USH2A: variants seen among roughly 807,000 people sequenced by gnomAD.
USH2A encodes the protein Usher syndrome 2A (autosomal recessive, mild).
USH2A carries 443 observed loss-of-function variants against 538.9 expected under a neutral mutation model. The ratio of observed to expected loss-of-function variants is 0.82; its 90% CI spans 0.76 to 0.89. The LOEUF (loss-of-function observed/expected upper bound fraction) is 0.89, where lower values mean the gene tolerates loss of function less well. Among genes scored for constraint, USH2A ranks in the 40% least tolerant of loss-of-function variants. The pLI is 0.00. For missense variants in USH2A, 6,633 were observed against 6,324.8 expected (o/e 1.05, Z -1.65); for synonymous variants, 2,413 against 2,273.5 (o/e 1.06, Z -1.75).
At chr1:215,754,326 C>T (rs1660721157) in intron 58 of USH2A, among the ~76,000 whole-genome samples, 1 of 152,152 alleles carries the variant, frequency 6.6e-6, no homozygotes, top group Non-Finnish European at 1.5e-5. Context: ...AGACCTTACC[C>T]TTTCACTAGT....
At chr1:216,362,063 A>C (rs1436911790) in intron 4 of USH2A, among the ~76,000 whole-genome samples, 1 of 152,174 alleles carries the variant, frequency 6.6e-6, no homozygotes, top group African/African-American at 2.4e-5. Flanking sequence ...GGTGTATATA[A>C]ATATTAAAAA....
chr1:216,217,324 A>G (rs2035361849), intron 15 of USH2A, 63 bp downstream of exon 15: 3 of 1,597,472 alleles, frequency 1.9e-6, no homozygotes, highest in East Asian at 4.6e-5. Context: ...AAAGAAAACA[A>G]TGAGATGCAG....
chr1:215,805,984 CAA>C (rs57712355), intron 49 of USH2A, among the ~76,000 whole-genome samples: 1,981 of 93,446 alleles, frequency 0.021, 22 homozygotes, highest in South Asian at 0.05. Context: ...AAGACACAAT[CAA>C]AAAAAAAAAA....
chr1:216,147,955 C>T lies in USH2A; in HGVS notation c.4627+27297G>A, dbSNP rs1318329208. ...CACCTGGCAGCCACTCCCAGAGCCCCTGGAACTCTGGCCCAAGGCTCTCTG... is the reference window on the plus strand; with the variant it reads ...CACCTGGCAGCCACTCCCAGAGCCCTTGGAACTCTGGCCCAAGGCTCTCTG... On this transcript the variant is annotated intron_variant, in intron 21 of 71. Coordinates refer to ENST00000307340, the MANE Select transcript of USH2A (RefSeq NM_206933.4). Among the ~76,000 whole-genome samples the T allele has an allele frequency of 8.7e-3, 577 of 66,338 alleles. 3 individuals are homozygous for T. Among genetic ancestry groups the T allele is most frequent in the African/African-American group, 0.035 (556 of 16,002 alleles). 43.5% of individuals were successfully genotyped at this position (66,338 alleles called of 152,430 possible).
At position 216,047,779 on chromosome 1, in the gene USH2A, A is replaced by T. The variant is rs1029543402; in HGVS notation, c.6163+755T>A. Among the ~76,000 whole-genome samples, 2 of 152,214 alleles carry T rather than the reference A, an allele frequency of 1.3e-5. 1 individual carries two copies. Among genetic ancestry groups the T allele is most frequent in the Admixed American group, 1.3e-4 (2 of 15,282 alleles). On this transcript the variant is annotated intron_variant, in intron 31 of 71. Transcript: ENST00000307340. The stretch of plus-strand genomic sequence containing the variant: ...CTCCTAAAGAACTTTTCAACTAGAC[A>T]GTATAAGATATGTACAATTCCTCTT...
intron 34 of USH2A, among the ~76,000 whole-genome samples, chr1:215,993,559 T>A (rs981282810): frequency 1.5e-5 from 2 of 135,924 alleles, no homozygotes; most frequent in African/African-American, 5.8e-5. Flanking sequence ...ACACATAACA[T>A]AAGTAAAGTA....
chr1:215,884,627 T>A (rs1023715692), intron 41 of USH2A, among the ~76,000 whole-genome samples: 7 of 152,122 alleles, frequency 4.6e-5, no homozygotes, highest in African/African-American at 1.4e-4. Flanking sequence ...TATATTTTCA[T>A]TATTATTTTA....
intron 3 of USH2A, among the ~76,000 whole-genome samples, chr1:216,402,101 A>G (rs2039315527): frequency 6.6e-6 from 1 of 152,146 alleles, no homozygotes; most frequent in Non-Finnish European, 1.5e-5. Flanking sequence ...AAAACAAACT[A>G]TACACATTAA....
intron 30 of USH2A, among the ~76,000 whole-genome samples, chr1:216,050,604 C>CTTTCTTTCTTTCTTTCTTTCTTTCTTTT (rs1195871302): frequency 1.5e-5 from 1 of 68,564 alleles, no homozygotes; most frequent in Non-Finnish European, 2.9e-5. Context: ...TTCTTTCTTT[C>CTTTCTTTCTTTCTTTCTTTCTTTCTTTT]TTTTTTTTTT....
intron 64 of USH2A, among the ~76,000 whole-genome samples, chr1:215,653,850 C>T (rs532127265): frequency 4.6e-5 from 7 of 152,192 alleles, no homozygotes; most frequent in East Asian, 3.9e-4. Flanking sequence ...CCCCAAGATT[C>T]GATTCTGTCT....
At position 215,758,642 on chromosome 1, in the gene USH2A, A is replaced by C; in HGVS notation, c.11342T>G (p.Ile3781Ser). ...TATAGAATAAGGCCCAATTACTGTGATATTATATGGAGGATAGATTTCTTC... is the reference window on the plus strand; with the variant it reads ...TATAGAATAAGGCCCAATTACTGTGCTATTATATGGAGGATAGATTTCTTC... ...TPEEIYPPYN[I>S]TVIGPYSIFV... The change falls in exon 58 of 72, where the codon ATC (isoleucine) becomes AGC (serine). Residue 3781 changes from isoleucine (I) to serine (S), a missense_variant. Physicochemically the swap from Ile to Ser is moderately radical, Grantham distance 142 (BLOSUM62 -2). Coordinates refer to ENST00000307340, the MANE Select transcript of USH2A (RefSeq NM_206933.4). 1 of 1,613,440 alleles carries C rather than the reference A, an allele frequency of 6.2e-7. No individual in the cohort carries two copies. The highest frequency in any genetic ancestry group is 8.5e-7 in the Non-Finnish European group (1 of 1,179,824).
chr1:216,376,238 A>G (rs1307063812), intron 3 of USH2A, among the ~76,000 whole-genome samples: 1 of 152,180 alleles, frequency 6.6e-6, no homozygotes, highest in Non-Finnish European at 1.5e-5. Flanking sequence ...AAATAAAAAT[A>G]AAACACATTG....
chr1:216,307,946 C>A (rs2037348133), intron 9 of USH2A, among the ~76,000 whole-genome samples: 1 of 152,172 alleles, frequency 6.6e-6, no homozygotes, highest in Admixed American at 6.5e-5. Context: ...CTGGAGCCTG[C>A]AGCAGCAATC....
intron 18 of USH2A, among the ~76,000 whole-genome samples, chr1:216,196,981 T>C (rs758605910): frequency 3.9e-5 from 6 of 152,172 alleles, no homozygotes; most frequent in Non-Finnish European, 7.4e-5. Context: ...AATTTGCTCA[T>C]GTTCATAAAG....
At position 216,196,734 on chromosome 1, in the gene USH2A, A is replaced by G; in HGVS notation, c.4082-12T>C. On this transcript the variant is annotated splice_polypyrimidine_tract_variant and intron_variant, in intron 18 of 71. Coordinates refer to ENST00000307340, the MANE Select transcript of USH2A (RefSeq NM_206933.4). ...CATGAATACAGGTGCTATCAATGAG[A>G]ACAATAACAATAACATCAAAACAAT... 3.1e-6 allele frequency: 5 copies of G among 1,610,740 alleles called. No homozygotes were observed. The highest frequency in any genetic ancestry group is 4.2e-6 in the Non-Finnish European group (5 of 1,178,130).
At chr1:216,261,268 CA>C (rs202067901) in intron 11 of USH2A, among the ~76,000 whole-genome samples, 14 of 150,026 alleles carry the variant, frequency 9.3e-5, no homozygotes, top group East Asian at 2.0e-4. Context: ...AATATAGAAA[CA>C]AAAAAAAGCC....
At chr1:216,414,902 T>G (rs2039551154) in intron 3 of USH2A, among the ~76,000 whole-genome samples, 2 of 152,082 alleles carry the variant, frequency 1.3e-5, no homozygotes, top group African/African-American at 4.8e-5. Flanking sequence ...AATCCCCAAA[T>G]TAAATGGAGT....
intron 3 of USH2A, among the ~76,000 whole-genome samples, chr1:216,384,226 T>G (rs779334316): frequency 5.0e-4 from 76 of 151,956 alleles, no homozygotes; most frequent in Middle Eastern, 3.4e-3. Context: ...TTACATATAA[T>G]TTCTAAATAT....
At chr1:215,942,677 G>T (rs1174442862) in intron 37 of USH2A, among the ~76,000 whole-genome samples, 1 of 152,132 alleles carries the variant, frequency 6.6e-6, no homozygotes, top group Non-Finnish European at 1.5e-5. Flanking sequence ...GGAAAAAAAT[G>T]ACCGACATGA....
Sources: allele counts gnomAD v4.1 joint callset (sites outside exome capture counted in the v4.1 genomes callset), GRCh38; gene constraint gnomAD v4.1.1; transcripts MANE v1.5; gene names NCBI Gene and HGNC (gene_info 2026-07-23, HGNC 2026-07-21).